RBL1: variants seen among roughly 807,000 people sequenced by gnomAD.
RBL1 encodes retinoblastoma-like protein 1.
In RBL1, 82 loss-of-function variants were observed where a neutral mutation model predicts 123.0. The ratio of observed to expected loss-of-function variants is 0.67; its 90% CI spans 0.56 to 0.80. RBL1 has a LOEUF of 0.80. Among genes scored for constraint, RBL1 ranks in the 30% least tolerant of loss-of-function variants. The pLI is 0.00. For missense variants in RBL1, 1,171 were observed against 1,299.6 expected (o/e 0.90, Z 1.52); for synonymous variants, 405 against 441.3 (o/e 0.92, Z 1.03).
intron 16 of RBL1, among the ~76,000 whole-genome samples, chr20:37,029,766 A>G (rs2064478088): frequency 6.6e-6 from 1 of 152,228 alleles, no homozygotes; most frequent in African/African-American, 2.4e-5. Flanking sequence ...ATACAACAAC[A>G]TCTCTTGTGT....
intron 18 of RBL1, among the ~76,000 whole-genome samples, chr20:37,019,278 C>T (rs1376960007): frequency 6.6e-6 from 1 of 152,124 alleles, no homozygotes; most frequent in African/African-American, 2.4e-5. Flanking sequence ...TTCAGATGGC[C>T]ACATGAAAAT....
rs1267686768 is a variant in RBL1, at chr20:37,055,571, A to G, written c.1449T>C (p.Leu483=). The change falls in exon 11 of 22, where the codon CTT becomes CTC. Residue 483 remains leucine, a synonymous_variant. Transcript: ENST00000373664. ...ETVMVQETRR[L]HGMDMSVLLE... ...TACTTACTGACATGTCCATTCCATG[A>G]AGTCTTCGTGTTTCCTGAACCATTA... is the stretch of plus-strand genomic sequence containing the variant. 1 of 1,614,126 alleles carries G rather than the reference A, an allele frequency of 6.2e-7. No individual in the cohort carries two copies. Among genetic ancestry groups the G allele is most frequent in the Non-Finnish European group, 8.5e-7 (1 of 1,180,008 alleles).
intron 21 of RBL1, among the ~76,000 whole-genome samples, chr20:37,001,340 A>AT (rs1338523385): frequency 4.0e-5 from 6 of 151,772 alleles, no homozygotes; most frequent in South Asian, 2.1e-4. Context: ...TGGGGAAAAG[A>AT]TTGAGAAATC....
intron 16 of RBL1, among the ~76,000 whole-genome samples, chr20:37,027,689 A>G (rs1472233842): frequency 1.3e-5 from 2 of 152,242 alleles, no homozygotes; most frequent in Non-Finnish European, 2.9e-5. Context: ...ATATTAAAAT[A>G]ATTTAGGCAT....
At chr20:37,038,629 G>C (rs71351057) in intron 14 of RBL1, among the ~76,000 whole-genome samples, 1,912 of 133,028 alleles carry the variant, frequency 0.014, 50 homozygotes, top group African/African-American at 0.052. Flanking sequence ...CTGAAACAGA[G>C]TCTCGCTCTG....
intron 1 of RBL1, among the ~76,000 whole-genome samples, chr20:37,092,662 T>A (rs1030764494): frequency 3.3e-5 from 5 of 151,778 alleles, no homozygotes; most frequent in Non-Finnish European, 7.4e-5. Flanking sequence ...GCCCAGCCTA[T>A]TTTATTTTGT....
intron 11 of RBL1, among the ~76,000 whole-genome samples, chr20:37,052,520 A>AT (rs1600536194): frequency 6.8e-6 from 1 of 147,828 alleles, no homozygotes; most frequent in Non-Finnish European, 1.5e-5. Flanking sequence ...TCATATATTT[A>AT]TTTTTTTGAG....
At chr20:37,012,819 C>G (rs1030453107) in intron 19 of RBL1, among the ~76,000 whole-genome samples, 4 of 150,746 alleles carry the variant, frequency 2.7e-5, no homozygotes, top group African/African-American at 9.8e-5. Context: ...GGCCAGCCAC[C>G]CCGTCAGGGA....
intron 21 of RBL1, among the ~76,000 whole-genome samples, chr20:36,999,571 C>A (rs559462681): frequency 7.9e-5 from 12 of 151,440 alleles, no homozygotes; most frequent in African/African-American, 2.7e-4. Flanking sequence ...GCTGCCATCT[C>A]GGCTCACTGC....
intron 1 of RBL1, among the ~76,000 whole-genome samples, chr20:37,089,550 A>G (rs978582061): frequency 6.6e-6 from 1 of 152,038 alleles, no homozygotes; most frequent in Admixed American, 6.6e-5. Flanking sequence ...TGGCTGAGGC[A>G]AGAGTATCGC....
At chr20:37,007,628 T>G in intron 19 of RBL1, 69 bp from the exon 20 acceptor site, 1 of 1,502,740 alleles carries the variant, frequency 6.7e-7, no homozygotes, top group Non-Finnish European at 9.0e-7. Context: ...GGTCTCACTT[T>G]GTCACCCAGG....
chr20:37,056,075 A>G (rs2146285983), intron 10 of RBL1, 71 bp downstream of exon 10: 2 of 1,519,404 alleles, frequency 1.3e-6, no homozygotes, highest in Non-Finnish European at 1.8e-6. Flanking sequence ...GAGAGGAAAA[A>G]CCGTGAATTT....
At chr20:37,000,476 G>GC (rs538664660) in intron 21 of RBL1, among the ~76,000 whole-genome samples, 38 of 132,210 alleles carry the variant, frequency 2.9e-4, no homozygotes, top group Admixed American at 1.2e-3. Context: ...GGGGGGGTCA[G>GC]CCCCCCCGCC....
At chr20:37,017,620 T>TTGTGTGTCTGTGTGTGTGTG (rs2064277491) in intron 19 of RBL1, among the ~76,000 whole-genome samples, 2 of 139,722 alleles carry the variant, frequency 1.4e-5, no homozygotes, top group African/African-American at 5.6e-5. Flanking sequence ...GGACATTTTC[T>TTGTGTGTCTGTGTGTGTGTG]TGTGTGTGTG....
chr20:37,030,628 G>C (rs1047539282), intron 16 of RBL1, among the ~76,000 whole-genome samples: 2 of 152,112 alleles, frequency 1.3e-5, no homozygotes, highest in African/African-American at 2.4e-5. Context: ...GCCAAGGTGG[G>C]TGGATCACCT....
chr20:37,044,033 G>T lies in RBL1; in HGVS notation c.1770+53C>A, dbSNP rs1035305473. On this transcript the variant is annotated intron_variant, in intron 13 of 21. Coordinates refer to ENST00000373664, the MANE Select transcript of RBL1 (RefSeq NM_002895.5). ...TAGGAATTATCTCTCAATAAAGCTG[G>T]TTTTTTTTTTTTTTTTTTTAATGAT... 1.0e-3 allele frequency: 937 copies of T among 912,828 alleles called. 5 individuals carry two copies. The East Asian group carries it at 0.026, about 26-fold the overall frequency. 56.5% of individuals were successfully genotyped at this position (912,828 alleles called of 1,614,324 possible). A position where few individuals can be genotyped will look rare whatever the true frequency, so the allele number is the denominator to read the frequency against.
intron 7 of RBL1, among the ~76,000 whole-genome samples, chr20:37,063,790 G>T (rs1312043559): frequency 6.6e-6 from 1 of 151,684 alleles, no homozygotes; most frequent in Non-Finnish European, 1.5e-5. Flanking sequence ...GGGATTACAG[G>T]AGTGAGCCAC....
intron 21 of RBL1, among the ~76,000 whole-genome samples, chr20:37,001,757 AAAG>A (rs1482283444): frequency 3.2e-4 from 48 of 149,928 alleles, no homozygotes; most frequent in African/African-American, 9.1e-4. Flanking sequence ...GATCAATAAA[AAAG>A]AAAAAAAATG....
At chr20:37,060,838 G>C (rs2065082717) in intron 9 of RBL1, among the ~76,000 whole-genome samples, 3 of 151,978 alleles carry the variant, frequency 2.0e-5, no homozygotes, top group Non-Finnish European at 2.9e-5. Context: ...GGCCAAGCTG[G>C]AATTAGTCTC....
Sources: allele counts gnomAD v4.1 joint callset (sites outside exome capture counted in the v4.1 genomes callset), GRCh38; gene constraint gnomAD v4.1.1; transcripts MANE v1.5; gene names NCBI Gene and HGNC (gene_info 2026-07-23, HGNC 2026-07-21).